The following KIF16B variants were observed in gnomAD, a reference collection of about 807,000 sequenced individuals.
KIF16B encodes the protein kinesin family member 16B.
KIF16B carries 98 observed loss-of-function variants against 156.3 expected under a neutral mutation model. The ratio of observed to expected loss-of-function variants is 0.63; its 90% CI spans 0.53 to 0.74. The LOEUF (loss-of-function observed/expected upper bound fraction) is 0.74. KIF16B is among the 30% of genes least tolerant of loss of function. The probability of loss-of-function intolerance (pLI) is 0.00; values close to 1 mark genes in which losing one functional copy is unlikely to be tolerated. For missense variants in KIF16B, 1,421 were observed against 1,606.5 expected, an observed-to-expected ratio of 0.88 and a Z score of 1.97; for synonymous variants, 564 against 583.7, an observed-to-expected ratio of 0.97 and a Z score of 0.49.
At chr20:16,552,502 G>C (rs1035622765) in intron 1 of KIF16B, among the ~76,000 whole-genome samples, 42 of 152,082 alleles carry the variant, frequency 2.8e-4, no homozygotes, top group African/African-American at 1.0e-3. Flanking sequence ...TCCACTTCAG[G>C]TCTGTCTCTC....
chr20:16,317,085 TAA>T (rs1264174359), intron 24 of KIF16B, among the ~76,000 whole-genome samples: 2 of 152,212 alleles, frequency 1.3e-5, no homozygotes, highest in Admixed American at 1.3e-4. Flanking sequence ...TCACGTTAAA[TAA>T]AAAGTTTAAA....
At chr20:16,388,767 T>C (rs1256391413) in intron 17 of KIF16B, among the ~76,000 whole-genome samples, 1 of 152,034 alleles carries the variant, frequency 6.6e-6, no homozygotes, top group East Asian at 1.9e-4. Context: ...ATTTCTCAGC[T>C]TATACCATAA....
At position 16,341,235 on chromosome 20, in the gene KIF16B, C is replaced by T. The variant is rs117948064; in HGVS notation, c.3622-5220G>A. ...CAGCCAAACCACATTTTCTCATCAA[C>T]GCTGTAAAAAAATGATGTTGAATGA... is the stretch of plus-strand genomic sequence containing the variant. On this transcript the variant is annotated intron_variant, in intron 23 of 25. Transcript: ENST00000354981. Among the ~76,000 whole-genome samples, 713 of 152,198 alleles carry T rather than the reference C, an allele frequency of 4.7e-3. 5 individuals are homozygous for T. The highest frequency in any genetic ancestry group is 8.4e-3 in the Non-Finnish European group (570 of 68,012).
chr20:16,511,955 T>G (rs1304417310), intron 5 of KIF16B, among the ~76,000 whole-genome samples: 1 of 152,126 alleles, frequency 6.6e-6, no homozygotes, highest in African/African-American at 2.4e-5. Flanking sequence ...AAGACCAGCC[T>G]GACCAACACG....
chr20:16,516,742 C>T (rs7272792), intron 3 of KIF16B, among the ~76,000 whole-genome samples: 36,272 of 152,150 alleles, frequency 0.24, 4,950 homozygotes, highest in East Asian at 0.36. Flanking sequence ...TCAAGAGCAG[C>T]AGGTCTCAAA....
intron 15 of KIF16B, among the ~76,000 whole-genome samples, chr20:16,413,147 C>T (rs1262051696): frequency 2.0e-5 from 3 of 151,994 alleles, no homozygotes; most frequent in Admixed American, 2.0e-4. Context: ...ATGTGATGCA[C>T]TTAATTTGTA....
intron 12 of KIF16B, among the ~76,000 whole-genome samples, chr20:16,435,552 C>A (rs181234646): frequency 6.6e-6 from 1 of 152,218 alleles, no homozygotes; most frequent in African/African-American, 2.4e-5. Flanking sequence ...TTCTGATCTG[C>A]AGACTCAGTT....
At chr20:16,476,904 G>A (rs547520247) in intron 12 of KIF16B, among the ~76,000 whole-genome samples, 17 of 152,110 alleles carry the variant, frequency 1.1e-4, no homozygotes, top group African/African-American at 2.4e-4. Context: ...GACTACAGGC[G>A]CGTGCCACCA....
At chr20:16,424,249 A>G (rs1271793014) in intron 15 of KIF16B, among the ~76,000 whole-genome samples, 18 of 152,092 alleles carry the variant, frequency 1.2e-4, no homozygotes, top group Non-Finnish European at 2.9e-5. Flanking sequence ...ATAAAATTGA[A>G]AAAACAGATG....
chr20:16,404,470 C>G (rs956686315), intron 17 of KIF16B, among the ~76,000 whole-genome samples: 1 of 152,098 alleles, frequency 6.6e-6, no homozygotes, highest in Non-Finnish European at 1.5e-5. Context: ...GATAAAAGTG[C>G]GTAAGCCAAA....
rs200700890 is a variant in KIF16B, at chr20:16,356,413, G to A, written c.3538C>T (p.Leu1180=). The A allele has an allele frequency of 7.4e-6, 12 of 1,614,014 alleles. No homozygotes were observed. Among genetic ancestry groups the A allele is most frequent in the African/African-American group, 1.3e-5 (1 of 74,924 alleles). Residue 1180 remains leucine (L), a synonymous_variant, in exon 23 of 26, where the codon CTG becomes TTG. Coordinates refer to ENST00000354981, the MANE Select transcript of KIF16B (RefSeq NM_024704.5). ...SRSLGANPDD[L]KDPIKISIPR... ...ATACTAATTTTAATTGGGTCCTTCA[G>A]GTCATCTGGATTTGCGCCCAAAGAG...
In KIF16B at chr20:16,504,466, T is replaced by A; in HGVS notation, c.1082A>T (p.Lys361Met). The A allele has an allele frequency of 6.2e-7, 1 of 1,614,162 alleles. No individual in the cohort carries two copies. ...GTTGGCATCCTCATTAATGGTAGGC[T>A]TGTTGATGATGTTTTTGGCTCTATT... ...YANRAKNIIN[K>M]PTINEDANVK... The change falls in exon 10 of 26, where the codon AAG becomes ATG. Residue 361 changes from lysine to methionine, a missense_variant. By Grantham distance (95) the Lys-to-Met change is moderately conservative. Coordinates refer to ENST00000354981, the MANE Select transcript of KIF16B (RefSeq NM_024704.5).
intron 1 of KIF16B, among the ~76,000 whole-genome samples, chr20:16,560,740 G>A (rs2071025790): frequency 6.6e-6 from 1 of 151,840 alleles, no homozygotes; most frequent in South Asian, 2.1e-4. Flanking sequence ...AGCCATTTTC[G>A]TGCCACTGCA....
chr20:16,287,075 G>A (rs573591688), intron 25 of KIF16B, among the ~76,000 whole-genome samples: 2 of 152,322 alleles, frequency 1.3e-5, no homozygotes, highest in African/African-American at 4.8e-5. Context: ...TAAAATGGTG[G>A]TTGTTTTTAA....
rs2064545433 is a variant in KIF16B, at chr20:16,361,196, C to T, written c.3499-4744G>A. Among the ~76,000 whole-genome samples, 3 of 152,190 alleles carry T rather than the reference C, an allele frequency of 2.0e-5. No homozygotes were observed. The South Asian group carries it at 6.2e-4, about 32-fold the overall frequency. On this transcript the variant is annotated intron_variant, in intron 22 of 25. Transcript: ENST00000354981. ...CCTTTTTTCAACTACACATACTATA[C>T]TGATAGTTCTAATTAGAGCTATTAT...
chr20:16,370,466 G>T, intron 22 of KIF16B, 120 bp downstream of exon 22: 2 of 685,208 alleles, frequency 2.9e-6, no homozygotes, highest in Non-Finnish European at 2.3e-6. Flanking sequence ...TTCCCTATTA[G>T]CCATTAATCT....
intron 23 of KIF16B, among the ~76,000 whole-genome samples, chr20:16,341,396 C>A (rs1436360886): frequency 6.6e-6 from 1 of 152,080 alleles, no homozygotes; most frequent in African/African-American, 2.4e-5. Context: ...TCAGAGGAGT[C>A]TTTTTGTGAC....
chr20:16,450,090 A>G (rs1033980061), intron 12 of KIF16B, among the ~76,000 whole-genome samples: 6 of 152,214 alleles, frequency 3.9e-5, no homozygotes, highest in Non-Finnish European at 2.9e-5. Flanking sequence ...CGCTTTTCAA[A>G]AATTATAAAT....
intron 15 of KIF16B, among the ~76,000 whole-genome samples, chr20:16,409,982 T>TATGTAGGTAC (rs2065887162): frequency 1.8e-4 from 10 of 55,562 alleles, no homozygotes; most frequent in African/African-American, 5.9e-4. Flanking sequence ...TATATATATA[T>TATGTAGGTAC]ATATATATAT....
Sources: gnomAD v4.1 joint callset for allele counts (sites outside exome capture counted in the v4.1 genomes callset) on GRCh38, gnomAD v4.1.1 for gene constraint, MANE v1.5 for transcripts, NCBI Gene and HGNC (gene_info 2026-07-23, HGNC 2026-07-21) for gene names.